Variants in SEM1 observed in about 807,000 individuals in gnomAD.
The protein encoded by SEM1 is 26S proteasome complex subunit SEM1.
SEM1 carries 3 observed loss-of-function variants against 12.7 expected under a neutral mutation model. The observed-to-expected ratio is 0.24, with a 90% CI of 0.11 to 0.61. The LOEUF is 0.61. Among genes scored for constraint, SEM1 ranks in the 20% least tolerant of loss-of-function variants. The probability of loss-of-function intolerance (pLI) is 0.88; values close to 1 mark genes in which losing one functional copy is unlikely to be tolerated. For synonymous variants in SEM1, 30 were observed against 27.8 expected (o/e 1.08, Z -0.25); for missense variants, 59 against 81.3 (o/e 0.73, Z 1.06).
chr7:96,505,933 A>G (rs1356795321), intron 3 of SEM1, among the ~76,000 whole-genome samples: 1 of 151,718 alleles, frequency 6.6e-6, no homozygotes, highest in Admixed American at 6.6e-5. Flanking sequence ...ACCTGGGATA[A>G]ATACTTGATT....
At chr7:96,661,355 C>A (rs1788995084) in intron 2 of SEM1, among the ~76,000 whole-genome samples, 1 of 152,156 alleles carries the variant, frequency 6.6e-6, no homozygotes, top group African/African-American at 2.4e-5. Flanking sequence ...TCAATGCTTT[C>A]CCAAGTTGTT....
At chr7:96,655,612 A>G (rs917957174) in intron 2 of SEM1, among the ~76,000 whole-genome samples, 5 of 151,994 alleles carry the variant, frequency 3.3e-5, no homozygotes, top group Non-Finnish European at 7.4e-5. Flanking sequence ...GTACAGTCCA[A>G]AAAGTTTTGA....
downstream of SEM1, chr7:96,672,778 A>G (rs1347954534): frequency 1.3e-5 from 2 of 152,214 alleles, no homozygotes; most frequent in African/African-American, 2.4e-5. Context: ...CCTCTTCTAC[A>G]GGGTCAGGCA....
chr7:96,650,839 A>T (rs775877689), intron 2 of SEM1, among the ~76,000 whole-genome samples: 1 of 152,116 alleles, frequency 6.6e-6, no homozygotes, highest in Non-Finnish European at 1.5e-5. Context: ...CATCTGTGCA[A>T]TCTGATAGCA....
exon 3 of SEM1, chr7:96,484,853 A>G (rs1802690824): frequency 7.8e-7 from 1 of 1,287,722 alleles, no homozygotes; most frequent in Admixed American, 2.3e-5. Flanking sequence ...CTTGAGGTGG[A>G]GCTGTAAATA....
intron 2 of SEM1, among the ~76,000 whole-genome samples, chr7:96,679,394 G>A (rs1007385460): frequency 5.9e-5 from 9 of 152,050 alleles, no homozygotes; most frequent in South Asian, 2.1e-4. Flanking sequence ...TTTTGAGTAC[G>A]AGTTTTGAAA....
chr7:96,596,433 C>A (rs1327123435), intron 2 of SEM1, among the ~76,000 whole-genome samples: 2 of 152,158 alleles, frequency 1.3e-5, no homozygotes, highest in Non-Finnish European at 2.9e-5. Flanking sequence ...TTCCTCTGGG[C>A]AGCTACTTAT....
chr7:96,510,404 C>T (rs1296455189), intron 2 of SEM1, among the ~76,000 whole-genome samples: 1 of 152,138 alleles, frequency 6.6e-6, no homozygotes, highest in African/African-American at 2.4e-5. Context: ...CAGCATGTTA[C>T]TATACCAAAC....
intron 2 of SEM1, among the ~76,000 whole-genome samples, chr7:96,606,306 T>G (rs1807378152): frequency 6.6e-6 from 1 of 152,146 alleles, no homozygotes; most frequent in Admixed American, 6.5e-5. Flanking sequence ...TAAACTAGAT[T>G]TATACGGAGA....
At chr7:96,616,373 A>G (rs1408735560) in intron 2 of SEM1, among the ~76,000 whole-genome samples, 1 of 150,932 alleles carries the variant, frequency 6.6e-6, no homozygotes, top group Non-Finnish European at 1.5e-5. Context: ...TCCTCTGCCC[A>G]CTTTACAATG....
At chr7:96,621,543 C>G (rs1807893003), downstream of SEM1, 1 of 152,158 alleles carries the variant, frequency 6.6e-6, no homozygotes, top group South Asian at 2.1e-4. Flanking sequence ...GCTTGTGTTT[C>G]TCCAACTTCA....
intron 2 of SEM1, among the ~76,000 whole-genome samples, chr7:96,677,793 A>G (rs143057066): frequency 3.3e-5 from 5 of 152,194 alleles, no homozygotes; most frequent in African/African-American, 1.2e-4. Flanking sequence ...AAAGGAGATG[A>G]TGGTATTAAT....
At chr7:96,533,972 C>T (rs889753877) in intron 2 of SEM1, among the ~76,000 whole-genome samples, 1 of 151,870 alleles carries the variant, frequency 6.6e-6, no homozygotes, top group African/African-American at 2.4e-5. Context: ...TATTAAATCC[C>T]GACCCCTGAG....
chr7:96,673,511 AG>A (rs1046767691), exon 3 of SEM1: 2 of 477,188 alleles, frequency 4.2e-6, no homozygotes, highest in Non-Finnish European at 7.6e-6. Context: ...ATGTAGCTAC[AG>A]GAAGTATCAT....
intron 2 of SEM1, among the ~76,000 whole-genome samples, chr7:96,610,054 A>G (rs1686603071): frequency 6.6e-6 from 1 of 152,072 alleles, no homozygotes; most frequent in African/African-American, 2.4e-5. Context: ...AGAAAAAAGC[A>G]TGTTAGTCTC....
chr7:96,705,669 A>C lies in SEM1; in HGVS notation c.76+4019T>G, dbSNP rs188267783. 3.5e-3 allele frequency among the ~76,000 whole-genome samples: 537 copies of C among 152,026 alleles called. 3 individuals carry two copies. Among genetic ancestry groups the C allele is most frequent in the East Asian group, 7.6e-3 (39 of 5,150 alleles). ...CATGAAACCCCATCTCTACAAAAAA[A>C]ATTAGCCGGGCGTGGTGACGGGCAC... On this transcript the variant is annotated intron_variant, in intron 1 of 2. Coordinates refer to ENST00000248566, the MANE Select transcript of SEM1 (RefSeq NM_006304.2).
At chr7:96,700,347 TG>T (rs1790232607) in intron 1 of SEM1, among the ~76,000 whole-genome samples, 2 of 152,142 alleles carry the variant, frequency 1.3e-5, no homozygotes, top group South Asian at 4.1e-4. Context: ...TAAGGATATT[TG>T]GTAAATTTTA....
At chr7:96,657,464 A>G (rs1720004739) in intron 2 of SEM1, among the ~76,000 whole-genome samples, 1 of 152,164 alleles carries the variant, frequency 6.6e-6, no homozygotes, top group South Asian at 2.1e-4. Flanking sequence ...ATCCTAAGTA[A>G]AAGAGGGATT....
intron 2 of SEM1, among the ~76,000 whole-genome samples, chr7:96,561,616 T>G (rs1805693231): frequency 6.6e-6 from 1 of 152,226 alleles, no homozygotes; most frequent in Admixed American, 6.5e-5. Context: ...CTAAATAATA[T>G]CTTCATTGCC....
Sources: gnomAD v4.1 joint callset for allele counts (sites outside exome capture counted in the v4.1 genomes callset) on GRCh38, gnomAD v4.1.1 for gene constraint, MANE v1.5 for transcripts, NCBI Gene and HGNC (gene_info 2026-07-23, HGNC 2026-07-21) for gene names.